Variants in CNTNAP2 observed in about 807,000 individuals in gnomAD.
The protein encoded by CNTNAP2 is contactin-associated protein-like 2.
Under a neutral mutation model 155.2 loss-of-function variants are expected in CNTNAP2, and 98 were observed. The ratio of observed to expected loss-of-function variants is 0.63; its 90% CI spans 0.54 to 0.75. CNTNAP2 has a LOEUF of 0.75. CNTNAP2 is among the 30% of genes least tolerant of loss of function. CNTNAP2 has a pLI of 0.00. For missense variants in CNTNAP2, 1,727 were observed against 1,688.1 expected (o/e 1.02, Z -0.40); for synonymous variants, 651 against 631.2 (o/e 1.03, Z -0.47).
intron 8 of CNTNAP2, among the ~76,000 whole-genome samples, chr7:147,172,764 G>A (rs1262942677): frequency 2.6e-5 from 4 of 152,150 alleles, no homozygotes; most frequent in Non-Finnish European, 5.9e-5. Flanking sequence ...TGAAGGATGA[G>A]CTCAGGACAT....
At chr7:146,849,627 T>A (rs1319842870) in intron 3 of CNTNAP2, among the ~76,000 whole-genome samples, 1 of 152,190 alleles carries the variant, frequency 6.6e-6, no homozygotes, top group East Asian at 1.9e-4. Context: ...AAAAGCGATA[T>A]AATTGTATTT....
chr7:147,080,515 G>A (rs1800101179), intron 4 of CNTNAP2, among the ~76,000 whole-genome samples: 1 of 151,638 alleles, frequency 6.6e-6, no homozygotes, highest in South Asian at 2.1e-4. Flanking sequence ...ATAGTTTCAT[G>A]TAGTCAACAA....
intron 1 of CNTNAP2, among the ~76,000 whole-genome samples, chr7:146,562,184 G>T (rs891450477): frequency 1.3e-5 from 2 of 151,998 alleles, no homozygotes; most frequent in African/African-American, 4.8e-5. Flanking sequence ...TTATAAAACT[G>T]CTCTGGCTGT....
rs1801613607 is a variant in CNTNAP2 at position 147,142,279 on chromosome 7, A to G, written c.1348+9770A>G. 2.0e-5 allele frequency among the ~76,000 whole-genome samples: 3 copies of G among 152,292 alleles called. No homozygotes were observed. In the South Asian group the frequency reaches 6.2e-4, roughly 32 times the overall value. The stretch of plus-strand genomic sequence containing the variant: ...ACCTAATTTATTGAGAGTTTTTAGC[A>G]TGAAGTGTTGTTGAATTTTGTCAAA... On this transcript the variant is annotated intron_variant, in intron 8 of 23. Coordinates refer to ENST00000361727, the MANE Select transcript of CNTNAP2 (RefSeq NM_014141.6).
intron 20 of CNTNAP2, among the ~76,000 whole-genome samples, chr7:148,254,601 C>T (rs1001225745): frequency 5.9e-5 from 9 of 151,900 alleles, no homozygotes; most frequent in African/African-American, 2.2e-4. Context: ...ACGGTGAAAC[C>T]CCGTCTCAAC....
chr7:146,705,952 G>C (rs932803231), intron 1 of CNTNAP2, among the ~76,000 whole-genome samples: 1 of 152,136 alleles, frequency 6.6e-6, no homozygotes. Context: ...GCATTTTGAA[G>C]AGACACAAAC....
chr7:147,992,677 C>T (rs1170773348), intron 15 of CNTNAP2, among the ~76,000 whole-genome samples: 1 of 152,202 alleles, frequency 6.6e-6, no homozygotes, highest in Admixed American at 6.5e-5. Context: ...GCTAGACCAA[C>T]ACTTAATCAA....
intron 3 of CNTNAP2, among the ~76,000 whole-genome samples, chr7:147,028,555 G>A (rs796170823): frequency 1.3e-5 from 2 of 152,064 alleles, no homozygotes; most frequent in South Asian, 4.1e-4. Flanking sequence ...TGAGAAGATG[G>A]GATTAAACAG....
intron 10 of CNTNAP2, among the ~76,000 whole-genome samples, chr7:147,449,220 T>C (rs567893875): frequency 1.3e-5 from 2 of 152,170 alleles, no homozygotes; most frequent in South Asian, 2.1e-4. Flanking sequence ...CAAAATGTGA[T>C]AGACATTTGC....
chr7:147,597,585 C>T (rs989806335), intron 12 of CNTNAP2, among the ~76,000 whole-genome samples: 1 of 152,056 alleles, frequency 6.6e-6, no homozygotes, highest in African/African-American at 2.4e-5. Context: ...TTACCTGGGC[C>T]CATGGTAAGC....
chr7:146,186,506 A>G (rs1798626365), intron 1 of CNTNAP2, among the ~76,000 whole-genome samples: 2 of 152,308 alleles, frequency 1.3e-5, no homozygotes, highest in South Asian at 2.1e-4. Flanking sequence ...ATCATAAACT[A>G]TTCAATTGAA....
chr7:147,011,149 T>C (rs956294783), intron 3 of CNTNAP2, among the ~76,000 whole-genome samples: 1 of 151,906 alleles, frequency 6.6e-6, no homozygotes, highest in African/African-American at 2.4e-5. Context: ...TGTGATGGCT[T>C]ACACCTGTAC....
chr7:147,801,248 G>T (rs17226520), intron 13 of CNTNAP2, among the ~76,000 whole-genome samples: 29,627 of 150,252 alleles, frequency 0.2, 3,168 homozygotes, highest in Middle Eastern at 0.31. Flanking sequence ...TTACTTCTTA[G>T]AAACGTGTAT....
chr7:148,198,333 T>C (rs768445044), intron 18 of CNTNAP2, among the ~76,000 whole-genome samples: 1 of 152,178 alleles, frequency 6.6e-6, no homozygotes, highest in African/African-American at 2.4e-5. Context: ...GTGTGAGAAG[T>C]TTCATAAAGG....
At chr7:146,258,758 G>A (rs802565) in intron 1 of CNTNAP2, among the ~76,000 whole-genome samples, 25,082 of 152,130 alleles carry the variant, frequency 0.16, 4,657 homozygotes, top group African/African-American at 0.46. Flanking sequence ...CATTCTTTTC[G>A]TCACTGCTAC....
chr7:148,309,595 C>T (rs551081528), intron 21 of CNTNAP2, among the ~76,000 whole-genome samples: 37 of 151,804 alleles, frequency 2.4e-4, no homozygotes, highest in South Asian at 1.2e-3. Flanking sequence ...GGGGGTTATT[C>T]GCTGGTGGCA....
At chr7:147,932,821 G>A (rs577263984) in intron 14 of CNTNAP2, among the ~76,000 whole-genome samples, 3 of 152,122 alleles carry the variant, frequency 2.0e-5, no homozygotes, top group Non-Finnish European at 4.4e-5. Flanking sequence ...ATCTGATAAG[G>A]CATTAATTTC....
intron 10 of CNTNAP2, among the ~76,000 whole-genome samples, chr7:147,431,707 G>GT (rs1797469824): frequency 6.6e-6 from 1 of 152,104 alleles, no homozygotes; most frequent in Non-Finnish European, 1.5e-5. Flanking sequence ...GTTTGGCACT[G>GT]TAAATCAGTT....
At position 146,473,710 on chromosome 7, in the gene CNTNAP2, T is replaced by A. The variant is rs532751980; in HGVS notation, c.98-300561T>A. Among the ~76,000 whole-genome samples, 3 of 152,312 alleles carry A rather than the reference T, an allele frequency of 2.0e-5. No individual in the cohort carries two copies. The South Asian group carries it at 6.2e-4, about 32-fold the overall frequency. On this transcript the variant is annotated intron_variant, in intron 1 of 23. Transcript: ENST00000361727. ...AAATTATGCAAACCTTAGGCATTTG[T>A]TTTTGTGATACAATTTATCTCCGAA...
Sources: gnomAD v4.1 joint callset for allele counts (sites outside exome capture counted in the v4.1 genomes callset) on GRCh38, gnomAD v4.1.1 for gene constraint, MANE v1.5 for transcripts, NCBI Gene and HGNC (gene_info 2026-07-23, HGNC 2026-07-21) for gene names.